The following UGT1A8 variants were observed in gnomAD, a reference collection of about 807,000 sequenced individuals.
UGT1A8 encodes UDP-glucuronosyltransferase 1A8.
In UGT1A8, 39 loss-of-function variants were observed where a neutral mutation model predicts 45.3. The observed-to-expected ratio is 0.86, with a 90% CI of 0.67 to 1.12. UGT1A8 has a LOEUF of 1.12. UGT1A8 is among the 50% of genes most tolerant of loss of function. UGT1A8 has a pLI of 0.00. For synonymous variants in UGT1A8, 275 were observed against 249.2 expected (o/e 1.10, Z -0.97); for missense variants, 719 against 664.9 (o/e 1.08, Z -0.90).
At chr2:233,681,766 G>T (rs1013494150) in intron 1 of UGT1A8, 1 of 896,980 alleles carries the variant, frequency 1.1e-6, no homozygotes, top group Non-Finnish European at 1.3e-6. Flanking sequence ...CTCAGCAAAG[G>T]CTACTCATGT....
chr2:233,694,538 T>C (rs530909274), intron 1 of UGT1A8, among the ~76,000 whole-genome samples: 2 of 152,192 alleles, frequency 1.3e-5, no homozygotes, highest in African/African-American at 4.8e-5. Context: ...CAGAGTTACT[T>C]TGGAAAATAA....
intron 1 of UGT1A8, among the ~76,000 whole-genome samples, chr2:233,759,845 G>C (rs1454775636): frequency 6.6e-6 from 1 of 152,146 alleles, no homozygotes; most frequent in Non-Finnish European, 1.5e-5. Context: ...CACTCTTACA[G>C]GTTTCCATGG....
At chr2:233,688,622 G>C (rs2074906157) in intron 1 of UGT1A8, among the ~76,000 whole-genome samples, 1 of 152,166 alleles carries the variant, frequency 6.6e-6, no homozygotes, top group South Asian at 2.1e-4. Context: ...GCAAACATGA[G>C]TTCGTCTTGT....
intron 1 of UGT1A8, among the ~76,000 whole-genome samples, chr2:233,731,894 C>G (rs1470586397): frequency 6.6e-6 from 1 of 152,238 alleles, no homozygotes; most frequent in Non-Finnish European, 1.5e-5. Context: ...AATTTACACT[C>G]CCACCAATGG....
At chr2:233,755,082 T>C (rs971081603) in intron 1 of UGT1A8, 16 of 1,336,710 alleles carry the variant, frequency 1.2e-5, no homozygotes, top group Middle Eastern at 2.1e-4. Context: ...GTCATAGATA[T>C]CGCGTTTCTA....
intron 1 of UGT1A8, chr2:233,748,143 A>G (rs1693880187): frequency 6.2e-7 from 1 of 1,607,740 alleles, no homozygotes; most frequent in Non-Finnish European, 8.5e-7. Flanking sequence ...AATTGTATTT[A>G]CTTACAATTG....
At chr2:233,717,803 A>G (rs1343545824) in intron 1 of UGT1A8, 2 of 456,012 alleles carry the variant, frequency 4.4e-6, no homozygotes, top group South Asian at 3.1e-5. Flanking sequence ...TAGTGCCCCC[A>G]CAAATTATGC....
chr2:233,749,121 A>T (rs1694116059), intron 1 of UGT1A8, among the ~76,000 whole-genome samples: 1 of 151,732 alleles, frequency 6.6e-6, no homozygotes, highest in Non-Finnish European at 1.5e-5. Context: ...TTTATGTCAT[A>T]TTCACTGAAT....
intron 1 of UGT1A8, among the ~76,000 whole-genome samples, chr2:233,717,043 C>A (rs2076542860): frequency 6.6e-6 from 1 of 152,158 alleles, no homozygotes; most frequent in Non-Finnish European, 1.5e-5. Context: ...ATACATGGGC[C>A]TCCGCAGGGT....
chr2:233,740,163 G>T (rs1258097121), intron 1 of UGT1A8, among the ~76,000 whole-genome samples: 1 of 151,848 alleles, frequency 6.6e-6, no homozygotes, highest in Non-Finnish European at 1.5e-5. Flanking sequence ...CCCCAGTCAT[G>T]TGGAACTGTG....
intron 1 of UGT1A8, among the ~76,000 whole-genome samples, chr2:233,659,048 A>G (rs918147921): frequency 6.6e-6 from 1 of 152,216 alleles, no homozygotes; most frequent in Non-Finnish European, 1.5e-5. Flanking sequence ...ACAGCATCCT[A>G]ACAATTTTGA....
At position 233,693,043 on chromosome 2, in the gene UGT1A8, A is replaced by G. The variant is rs774480903; in HGVS notation, c.856-73991A>G. The G allele has an allele frequency of 2.2e-5, 36 of 1,614,048 alleles. No homozygotes were observed. In the Middle Eastern group the frequency reaches 4.9e-4, roughly 22 times the overall value. ...TTCGCTCATTTCAGAGAATTTCTGC[A>G]GGGGTTTTCTTCTTAGCACTTTGGG... On this transcript the variant is annotated intron_variant, in intron 1 of 4. Coordinates refer to ENST00000373450, the MANE Select transcript of UGT1A8 (RefSeq NM_019076.5).
At chr2:233,705,744 G>A (rs1015744026) in intron 1 of UGT1A8, among the ~76,000 whole-genome samples, 2 of 152,208 alleles carry the variant, frequency 1.3e-5, no homozygotes, top group East Asian at 1.9e-4. Flanking sequence ...CAGGTAGGTC[G>A]GTAACAGATC....
intron 1 of UGT1A8, chr2:233,747,696 G>C (rs1693755189): frequency 1.2e-6 from 2 of 1,611,556 alleles, no homozygotes; most frequent in Admixed American, 1.7e-5. Context: ...GGCAGTGCTG[G>C]CTAAGTACCT....
At chr2:233,668,674 A>G (rs973958041) in intron 1 of UGT1A8, among the ~76,000 whole-genome samples, 5 of 152,372 alleles carry the variant, frequency 3.3e-5, no homozygotes, top group African/African-American at 1.2e-4. Flanking sequence ...TCCCACCAAC[A>G]GGGTAAAAGC....
intron 1 of UGT1A8, among the ~76,000 whole-genome samples, chr2:233,707,029 C>G (rs962121616): frequency 6.6e-6 from 1 of 152,140 alleles, no homozygotes; most frequent in Non-Finnish European, 1.5e-5. Context: ...CAGCCAGCCC[C>G]CAAGGTAGAG....
At chr2:233,664,651 G>T (rs1230787828) in intron 1 of UGT1A8, among the ~76,000 whole-genome samples, 1 of 152,132 alleles carries the variant, frequency 6.6e-6, no homozygotes, top group African/African-American at 2.4e-5. Flanking sequence ...ACCATATCTT[G>T]TGAATACTCA....
At chr2:233,661,849 A>G (rs537739868) in intron 1 of UGT1A8, among the ~76,000 whole-genome samples, 2 of 151,954 alleles carry the variant, frequency 1.3e-5, no homozygotes, top group Admixed American at 1.3e-4. Context: ...GACACTTTGT[A>G]TGGGTCCTAT....
rs188031736 is a variant in UGT1A8 at position 233,693,529 on chromosome 2, G to A, written c.856-73505G>A. The A allele has an allele frequency of 5.1e-5, 83 of 1,614,154 alleles. No homozygotes were observed. The Middle Eastern group carries it at 8.2e-4, about 16-fold the overall frequency. ...CTGTGTACCTCTTCAGGGGTTTTCC[G>A]TGTTCCCTGGAGCATACATTCAGCA... On this transcript the variant is annotated intron_variant, in intron 1 of 4. Transcript: ENST00000373450.
Sources: allele counts gnomAD v4.1 joint callset (sites outside exome capture counted in the v4.1 genomes callset), GRCh38; gene constraint gnomAD v4.1.1; transcripts MANE v1.5; gene names NCBI Gene and HGNC (gene_info 2026-07-23, HGNC 2026-07-21).